Variants in AFG1L observed in about 807,000 individuals in gnomAD.
AFG1L encodes AFG1-like ATPase.
A neutral mutation model predicts 62.2 loss-of-function variants in AFG1L; 53 were observed. That is an observed-to-expected ratio of 0.85 (90% CI 0.68 to 1.07). AFG1L has a LOEUF of 1.07. AFG1L is among the 50% of genes least tolerant of loss of function. AFG1L has a pLI of 0.00. For missense variants in AFG1L, 555 were observed against 590.5 expected (o/e 0.94, Z 0.62); for synonymous variants, 228 against 210.3 (o/e 1.08, Z -0.73).
At chr6:108,442,040 A>G (rs1771575213) in intron 7 of AFG1L, among the ~76,000 whole-genome samples, 1 of 152,112 alleles carries the variant, frequency 6.6e-6, no homozygotes, top group South Asian at 2.1e-4. Flanking sequence ...TGGCAAATAT[A>G]TTTATATGAC....
At chr6:108,317,393 G>A (rs987378297) in intron 1 of AFG1L, among the ~76,000 whole-genome samples, 2 of 152,168 alleles carry the variant, frequency 1.3e-5, no homozygotes, top group African/African-American at 2.4e-5. Context: ...TAGGGGTGTG[G>A]AAATCGATCC....
chr6:108,484,944 T>G (rs1773483516), intron 10 of AFG1L, among the ~76,000 whole-genome samples: 1 of 152,200 alleles, frequency 6.6e-6, no homozygotes, highest in Non-Finnish European at 1.5e-5. Flanking sequence ...TTTTATATCT[T>G]ACTATTTAAA....
intron 2 of AFG1L, among the ~76,000 whole-genome samples, chr6:108,340,806 T>C (rs1778653016): frequency 6.6e-6 from 1 of 152,152 alleles, no homozygotes; most frequent in Non-Finnish European, 1.5e-5. Context: ...AGGAGGAATG[T>C]CACAGGAGGG....
At chr6:108,324,083 A>G (rs1777934739) in intron 2 of AFG1L, 35 bp downstream of exon 2, 2 of 1,482,218 alleles carry the variant, frequency 1.3e-6, no homozygotes. Context: ...TTAAACAGTT[A>G]AAAGTGTAAG....
At chr6:108,356,543 A>G in intron 4 of AFG1L, 147 bp from the exon 5 acceptor site, 1 of 526,568 alleles carries the variant, frequency 1.9e-6, no homozygotes, top group Non-Finnish European at 3.2e-6. Flanking sequence ...AATGCAAACA[A>G]TTTCAATGAT....
At chr6:108,517,772 T>C (rs1198258398) in intron 11 of AFG1L, among the ~76,000 whole-genome samples, 1 of 151,914 alleles carries the variant, frequency 6.6e-6, no homozygotes, top group Non-Finnish European at 1.5e-5. Context: ...AGGGCTAATA[T>C]CCAGAATCTA....
At chr6:108,480,366 C>T (rs936778157) in intron 10 of AFG1L, among the ~76,000 whole-genome samples, 3 of 152,162 alleles carry the variant, frequency 2.0e-5, no homozygotes, top group African/African-American at 2.4e-5. Flanking sequence ...GAATTTGAAA[C>T]ACCAAGATGT....
intron 3 of AFG1L, among the ~76,000 whole-genome samples, chr6:108,351,524 A>C (rs1000500527): frequency 6.6e-6 from 1 of 152,056 alleles, no homozygotes; most frequent in Non-Finnish European, 1.5e-5. Flanking sequence ...AATAAAGATA[A>C]TTTTACTTCT....
In AFG1L at chr6:108,323,868, T is replaced by C; in HGVS notation, c.183T>C (p.Thr61=). ...QTSESMTPTA[T]SETYLKALAV... Reference sequence around the variant, plus strand: ...CCGAGAGCATGACCCCAACTGCCACTTCAGAGACTTATTTGAAAGCTTTGG... The same window carrying C: ...CCGAGAGCATGACCCCAACTGCCACCTCAGAGACTTATTTGAAAGCTTTGG... Residue 61 remains threonine (T), a synonymous_variant, in exon 2 of 13, where the codon ACT becomes ACC. Coordinates refer to ENST00000368977, the MANE Select transcript of AFG1L (RefSeq NM_145315.5). The C allele has an allele frequency of 6.2e-7, 1 of 1,614,188 alleles. No individual in the cohort carries two copies. The highest frequency in any genetic ancestry group is 8.5e-7 in the Non-Finnish European group (1 of 1,180,036).
chr6:108,503,854 C>A (rs1315637127), intron 10 of AFG1L, among the ~76,000 whole-genome samples: 1 of 152,240 alleles, frequency 6.6e-6, no homozygotes, highest in Non-Finnish European at 1.5e-5. Context: ...GCTGCAGCTT[C>A]TACATCAGCA....
At chr6:108,410,536 C>T (rs894096975) in intron 7 of AFG1L, among the ~76,000 whole-genome samples, 10 of 151,932 alleles carry the variant, frequency 6.6e-5, no homozygotes, top group African/African-American at 2.4e-4. Flanking sequence ...TACCTCTACG[C>T]CCACAGATAT....
rs1337371564 is a variant in AFG1L at position 108,370,815 on chromosome 6, C to G, written c.748+4483C>G. Among the ~76,000 whole-genome samples the G allele has an allele frequency of 3.9e-5, 6 of 152,232 alleles. No individual in the cohort carries two copies. The East Asian group carries it at 1.2e-3, about 29-fold the overall frequency. On this transcript the variant is annotated intron_variant, in intron 6 of 12. Coordinates refer to ENST00000368977, the MANE Select transcript of AFG1L (RefSeq NM_145315.5). ...CACGCATTTTCTTTTTTTCCTCTCTCTATTAATCGTTTAGCCCCTCTGATT... is the reference window on the plus strand; with the variant it reads ...CACGCATTTTCTTTTTTTCCTCTCTGTATTAATCGTTTAGCCCCTCTGATT...
chr6:108,477,298 T>G lies in AFG1L; in HGVS notation c.1062+6T>G. 1 of 1,575,046 alleles carries G rather than the reference T, an allele frequency of 6.3e-7. No individual in the cohort carries two copies. The highest frequency in any genetic ancestry group is 8.7e-7 in the Non-Finnish European group (1 of 1,152,510). On this transcript the variant is annotated splice_donor_region_variant and intron_variant, in intron 10 of 12. Coordinates refer to ENST00000368977, the MANE Select transcript of AFG1L (RefSeq NM_145315.5). ...TTGAAGAGCTGTGTGAGAGAGTAAG[T>G]ATCCAGGCACGTCCAGACTCACTGG...
At chr6:108,342,791 G>T (rs1218608267) in intron 2 of AFG1L, among the ~76,000 whole-genome samples, 2 of 151,978 alleles carry the variant, frequency 1.3e-5, no homozygotes, top group Non-Finnish European at 2.9e-5. Flanking sequence ...CGTTAGGAGG[G>T]TATTCATTTT....
At chr6:108,464,160 G>T (rs560854987) in intron 8 of AFG1L, among the ~76,000 whole-genome samples, 3 of 152,264 alleles carry the variant, frequency 2.0e-5, no homozygotes, top group Admixed American at 2.0e-4. Context: ...GCAAAGTGTG[G>T]GTAGCATTCT....
intron 7 of AFG1L, among the ~76,000 whole-genome samples, chr6:108,421,175 G>T (rs999983277): frequency 3.3e-5 from 5 of 152,158 alleles, no homozygotes; most frequent in Admixed American, 2.0e-4. Flanking sequence ...GTAAGAGAGG[G>T]TGTTACTATG....
At chr6:108,366,464 G>T in intron 6 of AFG1L, 132 bp downstream of exon 6, 2 of 509,690 alleles carry the variant, frequency 3.9e-6, no homozygotes, top group South Asian at 4.3e-5. Context: ...TTTTATAACT[G>T]GCTTAATCTG....
At chr6:108,463,482 T>A (rs985430029) in intron 8 of AFG1L, among the ~76,000 whole-genome samples, 1 of 151,820 alleles carries the variant, frequency 6.6e-6, no homozygotes, top group African/African-American at 2.4e-5. Context: ...AGTATTTTTA[T>A]ATCTACCAAG....
intron 2 of AFG1L, among the ~76,000 whole-genome samples, chr6:108,327,765 T>C (rs769213090): frequency 6.6e-5 from 10 of 152,252 alleles, no homozygotes; most frequent in Non-Finnish European, 4.4e-5. Flanking sequence ...TCCACTTCTG[T>C]TCACTCTACC....
Sources: allele counts gnomAD v4.1 joint callset (sites outside exome capture counted in the v4.1 genomes callset), GRCh38; gene constraint gnomAD v4.1.1; transcripts MANE v1.5; gene names NCBI Gene and HGNC (gene_info 2026-07-23, HGNC 2026-07-21).